Variants in WARS2 observed in about 807,000 individuals in gnomAD.
WARS2 encodes tryptophan--tRNA ligase, mitochondrial.
In WARS2, 28 loss-of-function variants were observed where a neutral mutation model predicts 36.5. The observed-to-expected ratio is 0.77, with a 90% confidence interval of 0.57 to 1.05. WARS2 has a LOEUF of 1.05. Ranked by LOEUF, WARS2 falls within the 50% of genes least tolerant of loss-of-function variation. WARS2 has a pLI of 0.00. For synonymous variants in WARS2, 174 were observed against 178.4 expected (o/e 0.98, Z 0.20); for missense variants, 435 against 456.8 (o/e 0.95, Z 0.44).
chr1:119,059,372 T>A (rs1332831815), intron 2 of WARS2, among the ~76,000 whole-genome samples: 2 of 152,118 alleles, frequency 1.3e-5, no homozygotes, highest in African/African-American at 2.4e-5. Context: ...AGACATGAAG[T>A]CCTTGCCCAT....
intron 2 of WARS2, among the ~76,000 whole-genome samples, chr1:119,055,719 AGG>A (rs1032179070): frequency 6.7e-6 from 1 of 150,200 alleles, no homozygotes; most frequent in African/African-American, 2.4e-5. Flanking sequence ...GAGAGAGAGA[AGG>A]AGGAGGAGGA....
chr1:119,101,673 G>A (rs1449092032), intron 1 of WARS2, among the ~76,000 whole-genome samples: 1 of 152,052 alleles, frequency 6.6e-6, no homozygotes, highest in Non-Finnish European at 1.5e-5. Context: ...AAGCTCCCAA[G>A]CCTCTCTAAC....
intron 1 of WARS2, among the ~76,000 whole-genome samples, chr1:119,134,606 A>G (rs755619593): frequency 2.0e-5 from 3 of 152,066 alleles, no homozygotes; most frequent in Admixed American, 1.3e-4. Flanking sequence ...TGAACTGGAG[A>G]AAAAAAAGAT....
At chr1:119,101,241 G>A (rs1036123310) in intron 1 of WARS2, among the ~76,000 whole-genome samples, 3 of 151,980 alleles carry the variant, frequency 2.0e-5, no homozygotes, top group East Asian at 3.9e-4. Flanking sequence ...TATTATATAC[G>A]TGTAACAAAA....
intron 2 of WARS2, among the ~76,000 whole-genome samples, chr1:119,049,954 C>G (rs188091907): frequency 6.6e-6 from 1 of 152,342 alleles, no homozygotes; most frequent in Non-Finnish European, 1.5e-5. Flanking sequence ...CCATACCAGC[C>G]TAAGTGACGC....
Position 119,126,021 on chromosome 1 carries a change from T to C in WARS2, c.90+14534A>G, listed in dbSNP as rs75477238. Among the ~76,000 whole-genome samples, 23 of 152,312 alleles carry C rather than the reference T, an allele frequency of 1.5e-4. No homozygotes were observed. The East Asian group carries it at 4.4e-3, about 29-fold the overall frequency. On this transcript the variant is annotated intron_variant, in intron 1 of 5. Coordinates refer to ENST00000235521, the MANE Select transcript of WARS2 (RefSeq NM_015836.4). ...CTTTCATCCTTTAATTCCCACTGTATCTTCAAGCTTATTTAGAAATTACAG... is the reference window on the plus strand; with the variant it reads ...CTTTCATCCTTTAATTCCCACTGTACCTTCAAGCTTATTTAGAAATTACAG...
chr1:119,041,345 T>A (rs1325939), intron 4 of WARS2, among the ~76,000 whole-genome samples: 116,805 of 152,016 alleles, frequency 0.77, 45,168 homozygotes, highest in East Asian at 0.86. Context: ...ATGAGGGGTT[T>A]GCACGGAAGA....
chr1:119,043,564 A>C (rs1648548323), intron 3 of WARS2, among the ~76,000 whole-genome samples: 1 of 152,184 alleles, frequency 6.6e-6, no homozygotes. Flanking sequence ...TAGGCCATTC[A>C]AAGGAAATTT....
chr1:119,086,743 C>T (rs1169366891), intron 1 of WARS2, among the ~76,000 whole-genome samples: 5 of 152,154 alleles, frequency 3.3e-5, no homozygotes, highest in Non-Finnish European at 7.3e-5. Context: ...GCAAATATCA[C>T]ATATACTGAC....
At chr1:119,059,168 T>A (rs1650152363) in intron 2 of WARS2, among the ~76,000 whole-genome samples, 1 of 152,030 alleles carries the variant, frequency 6.6e-6, no homozygotes, top group Non-Finnish European at 1.5e-5. Context: ...TTTTTTCTTG[T>A]AAATTTGTTT....
intron 1 of WARS2, among the ~76,000 whole-genome samples, chr1:119,104,101 G>A (rs998458679): frequency 4.6e-5 from 7 of 151,304 alleles, no homozygotes; most frequent in Non-Finnish European, 8.8e-5. Flanking sequence ...TTATAGGCAT[G>A]AGCCACTGAG....
chr1:119,087,374 T>G (rs12095241), intron 1 of WARS2, among the ~76,000 whole-genome samples: 3,254 of 152,208 alleles, frequency 0.021, 97 homozygotes, highest in African/African-American at 0.071. Context: ...ATAAAGAAAA[T>G]AAGTCATATG....
At position 119,086,047 on chromosome 1, in the gene WARS2, G is replaced by A; in HGVS notation, c.91-9440C>T. The A allele has an allele frequency of 3.0e-6, 4 of 1,326,818 alleles. No individual in the cohort carries two copies. In the South Asian group the frequency reaches 5.5e-5, roughly 18 times the overall value. The allele number at this position is 1,326,818 out of a possible 1,614,324, so 82.2% of individuals were successfully genotyped here. On this transcript the variant is annotated intron_variant, in intron 1 of 5. Transcript: ENST00000235521. ...CTAATTTTTTAAATTTCTCGTAGAG[G>A]CAAGGTCTTGCTATCTTGCCCAGAT...
intron 1 of WARS2, chr1:119,086,051 G>A (rs1178220311): frequency 2.3e-6 from 3 of 1,313,876 alleles, no homozygotes; most frequent in African/African-American, 1.5e-5. Context: ...GTAGAGGCAA[G>A]GTCTTGCTAT....
rs1448970558 is a variant in WARS2 at position 119,032,984 on chromosome 1, A to G, written c.1010T>C (p.Ile337Thr). Residue 337 changes from isoleucine to threonine, a missense_variant, in exon 6 of 6, where the codon ATT (isoleucine) becomes ACT (threonine). By Grantham distance (89) the Ile-to-Thr change is moderately conservative (BLOSUM62 -1). Coordinates refer to ENST00000235521, the MANE Select transcript of WARS2 (RefSeq NM_015836.4). ...TAATTCTTTGGCTTTTGCTGATCCA[A>G]TTTGTAAAACCTTCTCTAAATGGTC... is the stretch of plus-strand genomic sequence containing the variant. The part of the protein sequence containing the change: ...DKDHLEKVLQ[I>T]GSAKAKELAY... The G allele has an allele frequency of 2.5e-6, 4 of 1,614,104 alleles. No homozygotes were observed. Among genetic ancestry groups the G allele is most frequent in the African/African-American group, 2.7e-5 (2 of 74,932 alleles).
At chr1:119,114,823 G>A (rs1654863115) in intron 1 of WARS2, among the ~76,000 whole-genome samples, 2 of 152,176 alleles carry the variant, frequency 1.3e-5, no homozygotes, top group East Asian at 3.8e-4. Flanking sequence ...ACCAAAGCCT[G>A]TTTTATCACA....
At chr1:119,065,673 A>T (rs2101242553) in intron 2 of WARS2, among the ~76,000 whole-genome samples, 2 of 151,948 alleles carry the variant, frequency 1.3e-5, no homozygotes, top group Admixed American at 1.3e-4. Flanking sequence ...AAAAAGATAC[A>T]ATAACAGCCT....
intron 4 of WARS2, among the ~76,000 whole-genome samples, chr1:119,041,369 T>C (rs879762735): frequency 3.9e-5 from 6 of 152,046 alleles, no homozygotes; most frequent in Non-Finnish European, 8.8e-5. Context: ...GAGAGGGGGA[T>C]GAAATCAGAA....
At chr1:119,072,686 T>G (rs959309106) in intron 2 of WARS2, among the ~76,000 whole-genome samples, 1 of 152,174 alleles carries the variant, frequency 6.6e-6, no homozygotes, top group Non-Finnish European at 1.5e-5. Context: ...AAGTCATTTT[T>G]GGGAGAGTCA....
Sources: allele counts gnomAD v4.1 joint callset (sites outside exome capture counted in the v4.1 genomes callset), GRCh38; gene constraint gnomAD v4.1.1; transcripts MANE v1.5; gene names NCBI Gene and HGNC (gene_info 2026-07-23, HGNC 2026-07-21).